RHOC: variants seen among roughly 807,000 people sequenced by gnomAD.
RHOC encodes the protein ras homolog family member C, also known as rho-related GTP-binding protein RhoC.
In RHOC, 13 loss-of-function variants were observed where a neutral mutation model predicts 19.5. The observed-to-expected ratio is 0.67, with a 90% CI of 0.43 to 1.06. The LOEUF (loss-of-function observed/expected upper bound fraction) is 1.06, where lower values mean the gene tolerates loss of function less well. RHOC is among the 50% of genes least tolerant of loss of function. The pLI is 0.00. For synonymous variants in RHOC, 106 were observed against 97.3 expected, an observed-to-expected ratio of 1.09 and a Z score of -0.52; for missense variants, 173 against 256.9, an observed-to-expected ratio of 0.67 and a Z score of 2.23.
At chr1:112,704,129 G>A (rs1210275205) in intron 2 of RHOC, among the ~76,000 whole-genome samples, 1 of 152,152 alleles carries the variant, frequency 6.6e-6, no homozygotes, top group African/African-American at 2.4e-5. Context: ...AGCTGCTCAG[G>A]GATGCGGGAC....
rs924934070 is a variant in RHOC, at chr1:112,703,519, T to C, written c.156+125A>G. ...AGACTGCAGATTTACTTCCTAACTT[T>C]TACTGGTTCCAGCAGGGAGAATGAA... On this transcript the variant is annotated intron_variant, in intron 3 of 5. Transcript: ENST00000339083. The C allele has an allele frequency of 8.1e-6, 7 of 864,436 alleles. No homozygotes were observed. In the East Asian group the frequency reaches 1.6e-4, roughly 19 times the overall value. The allele number at this position is 864,436 out of a possible 1,614,324, so 53.5% of individuals were successfully genotyped here. A position where few individuals can be genotyped will look rare whatever the true frequency, so the allele number is the denominator to read the frequency against.
At chr1:112,702,748 C>A in intron 4 of RHOC, 55 bp from the exon 5 acceptor site, 1 of 1,607,630 alleles carries the variant, frequency 6.2e-7, no homozygotes, top group Non-Finnish European at 8.5e-7. Flanking sequence ...TAGAAAGCTC[C>A]CCTGGGGGGG....
At chr1:112,703,867 T>A (rs1674749989) in intron 2 of RHOC, 61 bp from the exon 3 acceptor site, 1 of 1,509,778 alleles carries the variant, frequency 6.6e-7, no homozygotes. Flanking sequence ...AACACTTCTC[T>A]AGGGCCCCCA....
rs1674635737 is a variant in RHOC at position 112,701,667 on chromosome 1, C to A, written c.455G>T (p.Ser152Ile). 4 of 1,614,086 alleles carry A rather than the reference C, an allele frequency of 2.5e-6. No homozygotes were observed. Among genetic ancestry groups the A allele is most frequent in the East Asian group, 2.2e-5 (1 of 44,880 alleles). The change falls in exon 6 of 6, where the codon AGT (serine) becomes ATT (isoleucine). Residue 152 changes from serine to isoleucine, a missense_variant. This residue lies in a region of RHOC where 81 missense variants were observed against 85.8 expected (regional missense o/e 0.94). Transcript: ENST00000339083. ...EEGRDMANRI[S>I]AFGYLECSAK... Reference sequence around the variant, plus strand: ...TGAGCACTCAAGGTAGCCAAAGGCACTGATCCGGTTCGCCATGTCCCGGCC... The same window carrying A: ...TGAGCACTCAAGGTAGCCAAAGGCAATGATCCGGTTCGCCATGTCCCGGCC...
chr1:112,703,573 A>T, intron 3 of RHOC, 71 bp downstream of exon 3: 1 of 1,257,194 alleles, frequency 8.0e-7, no homozygotes, highest in Non-Finnish European at 1.1e-6. Context: ...ATGGGGAAGG[A>T]CATACTAGGT....
chr1:112,701,701 A>G lies in RHOC; in HGVS notation c.421T>C (p.Ser141Pro). The change falls in exon 6 of 6, where the codon TCT becomes CCT. Residue 141 changes from serine to proline, a missense_variant. Around this residue, in one of 2 missense-constraint regions of RHOC, gnomAD observed 81 missense variants for 85.8 expected, o/e 0.94. Transcript: ENST00000339083. The part of the protein sequence containing the change: ...LAKMKQEPVR[S>P]EEGRDMANRI... ...TTCGCCATGTCCCGGCCTTCCTCAG[A>G]CCGAACGGGCTCCTGAGAAGACATA... is the stretch of plus-strand genomic sequence containing the variant. 6.2e-7 allele frequency: 1 copy of G among 1,613,830 alleles called. No individual in the cohort carries two copies.
At chr1:112,701,846 G>A (rs757017678) in intron 5 of RHOC, 133 bp from the exon 6 acceptor site, 1 of 866,094 alleles carries the variant, frequency 1.2e-6, no homozygotes, top group Non-Finnish European at 1.8e-6. Flanking sequence ...CCAGGCCCCA[G>A]CTACCCTGGG....
At position 112,703,114 on chromosome 1, in the gene RHOC, C is replaced by T; in HGVS notation, c.162G>A (p.Glu54=). 4 of 1,614,050 alleles carry T rather than the reference C, an allele frequency of 2.5e-6. No individual in the cohort carries two copies. Among genetic ancestry groups the T allele is most frequent in the Non-Finnish European group, 3.4e-6 (4 of 1,180,000 alleles). The change falls in exon 4 of 6, where the codon GAG becomes GAA. Residue 54 remains glutamate (E), a synonymous_variant. Coordinates refer to ENST00000339083, the MANE Select transcript of RHOC (RefSeq NM_175744.5). ...ADIEVDGKQV[E]LALWDTAGQE... ...GCCCTGCTGTGTCCCACAGAGCCAGCTCCACCTGACACACAGGGCCAGTGA... is the reference window on the plus strand; with the variant it reads ...GCCCTGCTGTGTCCCACAGAGCCAGTTCCACCTGACACACAGGGCCAGTGA...
At chr1:112,706,750 T>A (rs1250333086) in intron 1 of RHOC, 1 of 151,764 alleles carries the variant, frequency 6.6e-6, no homozygotes, top group Non-Finnish European at 1.5e-5. Context: ...CTGGGGCGTC[T>A]GAGTTGAAGT....
intron 1 of RHOC, chr1:112,705,805 G>A: frequency 2.6e-6 from 1 of 391,350 alleles, no homozygotes; most frequent in Non-Finnish European, 5.2e-6. Flanking sequence ...AATCACTACT[G>A]GGGTGAAAGC....
At chr1:112,705,559 A>C in intron 1 of RHOC, 1 of 471,204 alleles carries the variant, frequency 2.1e-6, no homozygotes, top group Non-Finnish European at 4.2e-6. Flanking sequence ...CCACCACAAA[A>C]CGGACTCTCT....
rs1040549559 is a variant in RHOC, at chr1:112,701,394, G to A, written c.*146C>T. ...GAGGGAGGGCCCGTGCCACCACCTC[G>A]GGGCTAGAAAACAATGCAGTCCTGG... On this transcript the variant is annotated 3_prime_UTR_variant, in exon 6 of 6. Transcript: ENST00000339083. 12 of 1,555,842 alleles carry A rather than the reference G, an allele frequency of 7.7e-6. No homozygotes were observed. The highest frequency in any genetic ancestry group is 4.1e-4 in the Middle Eastern group (2 of 4,820).
At chr1:112,702,338 G>T (rs1441271741) in intron 5 of RHOC, among the ~76,000 whole-genome samples, 1 of 152,166 alleles carries the variant, frequency 6.6e-6, no homozygotes, top group East Asian at 1.9e-4. Flanking sequence ...ATTCTGAACG[G>T]AATGGACAAT....
At chr1:112,706,427 CTCTA>C (rs1195562022) in intron 1 of RHOC, among the ~76,000 whole-genome samples, 8 of 50,602 alleles carry the variant, frequency 1.6e-4, no homozygotes, top group East Asian at 6.0e-4. Flanking sequence ...CTCTCTCTCT[CTCTA>C]CACACACACA....
chr1:112,704,142 C>G (rs138797712), intron 2 of RHOC: 3,196 of 257,756 alleles, frequency 0.012, 31 homozygotes, highest in Non-Finnish European at 0.017. Context: ...TGCGGGACGT[C>G]CAGGGAGCAA....
rs972521258 is a variant in RHOC, at chr1:112,701,335, G to C, written c.*205C>G. 51 of 1,427,080 alleles carry C rather than the reference G, an allele frequency of 3.6e-5. No individual in the cohort carries two copies. The highest frequency in any genetic ancestry group is 4.2e-5 in the Non-Finnish European group (45 of 1,064,264). The allele number at this position is 1,427,080 out of a possible 1,614,324, so 88.4% of individuals were successfully genotyped here. A position where few individuals can be genotyped will look rare whatever the true frequency, so the allele number is the denominator to read the frequency against. On this transcript the variant is annotated 3_prime_UTR_variant, in exon 6 of 6. Transcript: ENST00000339083. ...CAAGATCCCCAGGGGCCCTGAGGAA[G>C]GGCAGGGCATAGGCGTGGCTCCCAG...
intron 4 of RHOC, 124 bp from the exon 5 acceptor site, chr1:112,702,817 T>G: frequency 7.1e-7 from 1 of 1,411,444 alleles, no homozygotes; most frequent in South Asian, 1.3e-5. Context: ...CTTTCACAGC[T>G]CAAAACCTCA....
chr1:112,707,342 A>G (rs1380657414), upstream of RHOC: 1 of 152,416 alleles, frequency 6.6e-6, no homozygotes, highest in Non-Finnish European at 1.5e-5. Context: ...TGGACTGCGG[A>G]GGAGCCGGGC....
chr1:112,704,984 A>G, intron 2 of RHOC, 116 bp downstream of exon 2: 1 of 656,684 alleles, frequency 1.5e-6, no homozygotes, highest in Non-Finnish European at 2.8e-6. Context: ...GCAAGGAGTC[A>G]GCTTCCCGGG....
Sources: allele counts gnomAD v4.1 joint callset (sites outside exome capture counted in the v4.1 genomes callset), GRCh38; gene constraint gnomAD v4.1.1; regional missense constraint gnomAD v4.1.1; transcripts MANE v1.5; gene names NCBI Gene and HGNC (gene_info 2026-07-23, HGNC 2026-07-21).